COL18A1: variants seen among roughly 807,000 people sequenced by gnomAD.
COL18A1 encodes the protein collagen alpha-1(XVIII) chain.
COL18A1 carries 133 observed loss-of-function variants against 168.0 expected under a neutral mutation model. The ratio of observed to expected loss-of-function variants is 0.79; its 90% CI spans 0.69 to 0.91. The LOEUF (loss-of-function observed/expected upper bound fraction) is 0.91, where lower values mean the gene tolerates loss of function less well. Among genes scored for constraint, COL18A1 ranks in the 40% least tolerant of loss-of-function variants. COL18A1 has a pLI of 0.00. For missense variants in COL18A1, 2,126 were observed against 1,925.4 expected (o/e 1.10, Z -1.95); for synonymous variants, 949 against 809.0 (o/e 1.17, Z -2.94).
chr21:45,421,170 A>G, intron 2 of COL18A1: 1 of 346,440 alleles, frequency 2.9e-6, no homozygotes, highest in Non-Finnish European at 5.7e-6. Context: ...ACAGACGGAC[A>G]GACAGGCACT....
chr21:45,474,271 C>CTG (rs2035550458), intron 4 of COL18A1, among the ~76,000 whole-genome samples: 1 of 148,338 alleles, frequency 6.7e-6, no homozygotes, highest in African/African-American at 2.6e-5. Flanking sequence ...GTGTCTGTGT[C>CTG]TGTGTGGTGT....
rs367593730 is a variant in COL18A1, at chr21:45,482,052, A to C, written c.1674+27A>C. On this transcript the variant is annotated intron_variant, in intron 14 of 41. Coordinates refer to ENST00000651438, the MANE Select transcript of COL18A1 (RefSeq NM_001379500.1). The stretch of plus-strand genomic sequence containing the variant: ...TAAGTCTTCCCTCGAGTCCAGGGTG[A>C]GTGGGAACCAGCACCACACCATGTG... The C allele has an allele frequency of 1.1e-5, 18 of 1,588,322 alleles. No individual in the cohort carries two copies. The African/African-American group carries it at 2.3e-4, about 20-fold the overall frequency.
At chr21:45,476,602 G>T (rs980708461) in intron 6 of COL18A1, 122 bp downstream of exon 6, 9 of 1,239,808 alleles carry the variant, frequency 7.3e-6, no homozygotes, top group Non-Finnish European at 9.2e-6. Context: ...GGTGTATATG[G>T]TACATGTGTG....
intron 29 of COL18A1, chr21:45,495,746 G>A (rs1342249384): frequency 1.5e-5 from 6 of 394,832 alleles, no homozygotes; most frequent in Admixed American, 3.6e-5. Context: ...ACGTGCTCAT[G>A]TGTGTACACA....
Position 45,502,029 on chromosome 21 carries a change from G to A in COL18A1, c.2684-1982G>A. ...AGCCGGTCACCTCCCTCTGCAGAAG[G>A]ACCCTCAGGGGCCTCCGCAGCCGGT... On this transcript the variant is annotated intron_variant, in intron 32 of 41. Coordinates refer to ENST00000651438, the MANE Select transcript of COL18A1 (RefSeq NM_001379500.1). 7.5e-5 allele frequency among the ~76,000 whole-genome samples: 6 copies of A among 79,982 alleles called. 1 individual carries two copies. The highest frequency in any genetic ancestry group is 2.7e-4 in the Admixed American group (2 of 7,492). 52.5% of individuals were successfully genotyped at this position (79,982 alleles called of 152,430 possible).
In COL18A1 at chr21:45,482,006, C is replaced by G; in HGVS notation, c.1655C>G (p.Thr552Ser). ...GGAAGAGAGGGGCCCCCAGGAAGGA[C>G]TGGGCAGAAAGGCAGCCTGGTAAGT... ...PPGREGPPGR[T>S]GQKGSLGEAG... The change falls in exon 14 of 42, where the codon ACT becomes AGT. Residue 552 changes from threonine (T) to serine (S), a missense_variant. Thr to Ser is a moderately conservative substitution (Grantham distance 58, BLOSUM62 1). Transcript: ENST00000651438. 1 of 1,613,562 alleles carries G rather than the reference C, an allele frequency of 6.2e-7. No homozygotes were observed. Among genetic ancestry groups the G allele is most frequent in the Non-Finnish European group, 8.5e-7 (1 of 1,179,626 alleles).
chr21:45,405,175 G>A lies in COL18A1; in HGVS notation c.-56G>A. On this transcript the variant is annotated 5_prime_UTR_variant, in exon 1 of 42. Transcript: ENST00000651438. ...CGGCTGCAGCGCGGCGGTCCGAGCGGGTGCACCGCGGCGGAGGAGGCAGCA... is the reference window on the plus strand; with the variant it reads ...CGGCTGCAGCGCGGCGGTCCGAGCGAGTGCACCGCGGCGGAGGAGGCAGCA... 1 of 286,290 alleles carries A rather than the reference G, an allele frequency of 3.5e-6. No individual in the cohort carries two copies. Among genetic ancestry groups the A allele is most frequent in the Non-Finnish European group, 6.4e-6 (1 of 157,168 alleles). 17.7% of individuals were successfully genotyped at this position (286,290 alleles called of 1,614,324 possible).
At chr21:45,462,122 C>G (rs77110661) in intron 2 of COL18A1, among the ~76,000 whole-genome samples, 4,272 of 152,154 alleles carry the variant, frequency 0.028, 208 homozygotes, top group African/African-American at 0.097. Context: ...GTTTCTGTGA[C>G]AAATCTGCTG....
intron 26 of COL18A1, chr21:45,494,248 T>TGCCCCCCCC: frequency 6.3e-6 from 3 of 472,526 alleles, no homozygotes; most frequent in East Asian, 4.0e-5. Context: ...GCACATGCCC[T>TGCCCCCCCC]CCACCCTCCA....
chr21:45,512,039 C>T (rs2037640724), intron 41 of COL18A1, 149 bp from the exon 42 acceptor site: 3 of 815,046 alleles, frequency 3.7e-6, no homozygotes, highest in Admixed American at 2.1e-5. Flanking sequence ...AGCAGGGAGG[C>T]CATGTGGCCC....
In COL18A1 at chr21:45,493,182, G is replaced by A; in HGVS notation, c.2234G>A (p.Gly745Asp). 3 of 1,561,426 alleles carry A rather than the reference G, an allele frequency of 1.9e-6. No individual in the cohort carries two copies. The highest frequency in any genetic ancestry group is 2.7e-5 in the African/African-American group (2 of 73,784). The change falls in exon 25 of 42, where the codon GGC becomes GAC. Residue 745 changes from glycine (G) to aspartate (D), a missense_variant. Gly to Asp is a moderately conservative substitution (Grantham distance 94, BLOSUM62 -1). Transcript: ENST00000651438. ...AGFPGPAGPK[G>D]NLGSKGERGS... ...TTCCAGGGACCTGCAGGACCCAAGG[G>A]CAACCTGGGCTCTAAGGGCGAACGA... is the stretch of plus-strand genomic sequence containing the variant.
intron 2 of COL18A1, among the ~76,000 whole-genome samples, chr21:45,419,394 C>T (rs899292056): frequency 6.6e-6 from 1 of 152,256 alleles, no homozygotes; most frequent in African/African-American, 2.4e-5. Context: ...TGTGGTGACA[C>T]TTAATGTCAT....
intron 32 of COL18A1, among the ~76,000 whole-genome samples, chr21:45,499,972 C>T (rs1477358005): frequency 1.3e-5 from 2 of 152,340 alleles, no homozygotes; most frequent in Non-Finnish European, 2.9e-5. Context: ...GAAGGACAGA[C>T]ATTGTCAATG....
At chr21:45,427,072 G>T (rs900887251) in intron 2 of COL18A1, among the ~76,000 whole-genome samples, 1 of 152,200 alleles carries the variant, frequency 6.6e-6, no homozygotes, top group African/African-American at 2.4e-5. Flanking sequence ...ATGTCTGTGC[G>T]TTTGCTTTCT....
intron 15 of COL18A1, among the ~76,000 whole-genome samples, chr21:45,485,030 G>T (rs943639273): frequency 6.6e-6 from 1 of 151,964 alleles, no homozygotes; most frequent in African/African-American, 2.4e-5. Context: ...TGGAGACAGA[G>T]TCTCCGCAGT....
chr21:45,480,221 T>C, intron 11 of COL18A1, 65 bp downstream of exon 11: 1 of 1,163,598 alleles, frequency 8.6e-7, no homozygotes, highest in Non-Finnish European at 1.3e-6. Context: ...GCACTGCCTC[T>C]GGCCCAGAAG....
chr21:45,508,184 T>C (rs139452043), intron 38 of COL18A1, among the ~76,000 whole-genome samples: 2 of 138,824 alleles, frequency 1.4e-5, no homozygotes, highest in South Asian at 4.7e-4. Context: ...GGGAGATGGA[T>C]GGATGGTGGA....
intron 29 of COL18A1, 156 bp from the exon 30 acceptor site, chr21:45,496,344 C>T (rs772688790): frequency 3.7e-5 from 27 of 723,844 alleles, no homozygotes; most frequent in Admixed American, 1.2e-4. Flanking sequence ...CTCAGGGAGC[C>T]GTGGCCCGAG....
intron 32 of COL18A1, among the ~76,000 whole-genome samples, chr21:45,502,310 C>T (rs1199221999): frequency 6.6e-6 from 1 of 152,222 alleles, no homozygotes; most frequent in Non-Finnish European, 1.5e-5. Flanking sequence ...GGGGAACAGT[C>T]ACAGGAGAAG....
Sources: allele counts gnomAD v4.1 joint callset (sites outside exome capture counted in the v4.1 genomes callset), GRCh38; gene constraint gnomAD v4.1.1; transcripts MANE v1.5; gene names NCBI Gene and HGNC (gene_info 2026-07-23, HGNC 2026-07-21).